PRKD3: variants seen among roughly 807,000 people sequenced by gnomAD.
PRKD3 encodes protein kinase D3, also known as serine/threonine-protein kinase D3.
In PRKD3, 47 loss-of-function variants were observed where a neutral mutation model predicts 99.2. The observed-to-expected ratio is 0.47, with a 90% CI of 0.38 to 0.60. The LOEUF (loss-of-function observed/expected upper bound fraction) is 0.60. Ranked by LOEUF, PRKD3 falls within the 20% of genes least tolerant of loss-of-function variation. The pLI, the probability that PRKD3 is intolerant of heterozygous loss-of-function variation, is 0.00. For missense variants in PRKD3, 1,019 were observed against 1,088.4 expected, an observed-to-expected ratio of 0.94 and a Z score of 0.90; for synonymous variants, 392 against 355.4, an observed-to-expected ratio of 1.10 and a Z score of -1.16.
rs1471611507 is a variant in PRKD3, at chr2:37,260,402, G to GA, written c.1885-19dup. Reference sequence around the variant, plus strand: ...TGCAAATTCTGAAGAGAGGTTGCAAGATACATGAGCAACTTAAGCAGAGAA... The same window carrying GA: ...TGCAAATTCTGAAGAGAGGTTGCAAGAATACATGAGCAACTTAAGCAGAGAA... On this transcript the variant is annotated intron_variant, in intron 14 of 18. Coordinates refer to ENST00000234179, the MANE Select transcript of PRKD3 (RefSeq NM_005813.6). 3 of 1,598,530 alleles carry GA rather than the reference G, an allele frequency of 1.9e-6. No homozygotes were observed. The highest frequency in any genetic ancestry group is 2.6e-6 in the Non-Finnish European group (3 of 1,166,180).
chr2:37,295,670 G>A (rs1288599824), intron 2 of PRKD3, among the ~76,000 whole-genome samples: 1 of 152,164 alleles, frequency 6.6e-6, no homozygotes, highest in Non-Finnish European at 1.5e-5. Context: ...GTTATAGGCT[G>A]GCTTTATAGA....
chr2:37,265,290 A>G (rs189207049), intron 14 of PRKD3, among the ~76,000 whole-genome samples: 327 of 152,308 alleles, frequency 2.1e-3, no homozygotes, highest in Admixed American at 5.2e-3. Context: ...CCCATGTGAA[A>G]AAGTTTAGCT....
chr2:37,264,368 T>C (rs1444082433), intron 14 of PRKD3, among the ~76,000 whole-genome samples: 1 of 152,178 alleles, frequency 6.6e-6, no homozygotes, highest in Non-Finnish European at 1.5e-5. Flanking sequence ...CTGGATTCAT[T>C]ATTAAACAAA....
intron 10 of PRKD3, among the ~76,000 whole-genome samples, chr2:37,275,252 G>A (rs536180490): frequency 2.6e-5 from 4 of 152,070 alleles, no homozygotes; most frequent in Admixed American, 2.6e-4. Context: ...CAAGCCATTA[G>A]TTCCCATTCT....
In PRKD3 at chr2:37,262,134, G is replaced by A. The variant is rs114556968; in HGVS notation, c.1885-1750C>T. On this transcript the variant is annotated intron_variant, in intron 14 of 18. Transcript: ENST00000234179. ...ATATGACCCCGTCGCAAAATGAGGA[G>A]CATCCTGTACATTTTTCTTTAGCTT... Among the ~76,000 whole-genome samples, 594 of 152,256 alleles carry A rather than the reference G, an allele frequency of 3.9e-3. 5 individuals are homozygous for A. Among genetic ancestry groups the A allele is most frequent in the African/African-American group, 0.013 (557 of 41,536 alleles).
chr2:37,274,735 ATCTT>A, intron 10 of PRKD3, 38 bp from the exon 11 acceptor site: 1 of 1,560,374 alleles, frequency 6.4e-7, no homozygotes. Flanking sequence ...ATAAGAATAG[ATCTT>A]TGTTTTTATT....
chr2:37,323,710 T>G (rs886784814), intron 1 of PRKD3, among the ~76,000 whole-genome samples: 1 of 152,212 alleles, frequency 6.6e-6, no homozygotes, highest in Non-Finnish European at 1.5e-5. Context: ...AATAACATTT[T>G]CTAGGATACA....
rs1667978842 is a variant in PRKD3, at chr2:37,256,663, T to C, written c.2412A>G (p.Glu804=). 3 of 925,028 alleles carry C rather than the reference T, an allele frequency of 3.2e-6. No individual in the cohort carries two copies. The highest frequency in any genetic ancestry group is 4.7e-6 in the Non-Finnish European group (3 of 642,870). 57.3% of individuals were successfully genotyped at this position (925,028 alleles called of 1,614,324 possible). ...TTTTTTTTTTTTTTTTTTTTTTACC[T>C]TCACCAGAAATTTCTCTCCATGGAT... is the stretch of plus-strand genomic sequence containing the variant. The part of the protein sequence containing the change: ...PPNPWREISG[E]AIDLINNLLQ... The change falls in exon 17 of 19, where the codon GAA becomes GAG. Residue 804 remains glutamate, a splice_region_variant and synonymous_variant. Coordinates refer to ENST00000234179, the MANE Select transcript of PRKD3 (RefSeq NM_005813.6).
At chr2:37,289,995 A>C (rs1670322294) in intron 4 of PRKD3, among the ~76,000 whole-genome samples, 1 of 152,190 alleles carries the variant, frequency 6.6e-6, no homozygotes, top group Admixed American at 6.5e-5. Context: ...ACACAACCAT[A>C]TCTATTCGTT....
intron 8 of PRKD3, 189 bp from the exon 9 acceptor site, chr2:37,278,178 T>C: frequency 2.9e-6 from 1 of 344,698 alleles, no homozygotes; most frequent in Non-Finnish European, 5.1e-6. Flanking sequence ...TTTAAGCTAA[T>C]ATTTTAAATC....
At chr2:37,319,495 G>A (rs1387109633) in intron 1 of PRKD3, among the ~76,000 whole-genome samples, 1 of 152,150 alleles carries the variant, frequency 6.6e-6, no homozygotes, top group African/African-American at 2.4e-5. Context: ...TAAGTGTAAA[G>A]CTTTGCATTT....
In PRKD3 at chr2:37,286,285, C is replaced by T. The variant is rs1170093139; in HGVS notation, c.802G>A (p.Val268Met). The change falls in exon 6 of 19, where the codon GTG becomes ATG. Residue 268 changes from valine to methionine, a missense_variant. Val to Met is a conservative substitution (Grantham distance 21). Around this residue, in one of 3 missense-constraint regions of PRKD3, gnomAD observed 710 missense variants for 692.7 expected, o/e 1.02. Coordinates refer to ENST00000234179, the MANE Select transcript of PRKD3 (RefSeq NM_005813.6). ...IWMEKMVMCR[V>M]KVPHTFAVHS... The stretch of plus-strand genomic sequence containing the variant: ...ACAGCAAATGTGTGTGGAACTTTCA[C>T]TCTGCACATTACCATCTTTTCCATC... 2 of 1,614,070 alleles carry T rather than the reference C, an allele frequency of 1.2e-6. No individual in the cohort carries two copies. The highest frequency in any genetic ancestry group is 1.7e-5 in the Admixed American group (1 of 60,016).
chr2:37,260,530 GA>G, intron 14 of PRKD3, 146 bp from the exon 15 acceptor site: 1 of 776,906 alleles, frequency 1.3e-6, no homozygotes, highest in Non-Finnish European at 2.1e-6. Context: ...TACAATCAAT[GA>G]AAAGGATCTT....
intron 1 of PRKD3, among the ~76,000 whole-genome samples, chr2:37,322,962 C>G (rs185501296): frequency 2.3e-5 from 2 of 86,298 alleles, no homozygotes; most frequent in East Asian, 1.6e-3. Context: ...GTATTTTCAA[C>G]TTTAGAGTCT....
chr2:37,269,721 ATTTCT>A, intron 12 of PRKD3, 34 bp from the exon 13 acceptor site: 11 of 1,437,500 alleles, frequency 7.7e-6, no homozygotes, highest in South Asian at 2.3e-5. Flanking sequence ...AGTATTATTT[ATTTCT>A]ATAATACAAT....
At chr2:37,277,483 C>T (rs1011985793) in intron 9 of PRKD3, among the ~76,000 whole-genome samples, 3 of 152,128 alleles carry the variant, frequency 2.0e-5, no homozygotes. Flanking sequence ...CACATTTACA[C>T]TAAGTTAAAG....
rs754667392 is a variant in PRKD3 at position 37,251,585 on chromosome 2, C to G, written c.*1592G>C. On this transcript the variant is annotated 3_prime_UTR_variant, in exon 19 of 19. Coordinates refer to ENST00000234179, the MANE Select transcript of PRKD3 (RefSeq NM_005813.6). Reference sequence around the variant, plus strand: ...GACTAGCTTCAGGGATGTCGAAAGGCCTTCTCAGTCTGTTCATGTACCAGA... The same window carrying G: ...GACTAGCTTCAGGGATGTCGAAAGGGCTTCTCAGTCTGTTCATGTACCAGA... 2.6e-5 allele frequency: 4 copies of G among 152,338 alleles called. No individual in the cohort carries two copies. Among genetic ancestry groups the G allele is most frequent in the African/African-American group, 7.2e-5 (3 of 41,422 alleles). The allele number at this position is 152,338 out of a possible 1,614,324, so 9.4% of individuals were successfully genotyped here. A position where few individuals can be genotyped will look rare whatever the true frequency, so the allele number is the denominator to read the frequency against.
chr2:37,314,410 A>T (rs1431037503), intron 2 of PRKD3, among the ~76,000 whole-genome samples: 1 of 152,180 alleles, frequency 6.6e-6, no homozygotes, highest in Non-Finnish European at 1.5e-5. Context: ...TTGCTCACAG[A>T]TCAAGATTTT....
intron 6 of PRKD3, among the ~76,000 whole-genome samples, chr2:37,283,642 T>G (rs976606421): frequency 2.0e-5 from 3 of 152,138 alleles, no homozygotes; most frequent in African/African-American, 7.2e-5. Context: ...GATTTGTGTT[T>G]TATCTCATGA....
Sources: gnomAD v4.1 joint callset for allele counts (sites outside exome capture counted in the v4.1 genomes callset) on GRCh38, gnomAD v4.1.1 for gene constraint, gnomAD v4.1.1 regional missense constraint, MANE v1.5 for transcripts, NCBI Gene and HGNC (gene_info 2026-07-23, HGNC 2026-07-21) for gene names.